IGSF11: variants seen among roughly 807,000 people sequenced by gnomAD.
The protein encoded by IGSF11 is CXADR like 1.
A neutral mutation model predicts 41.0 loss-of-function variants in IGSF11; 22 were observed. The ratio of observed to expected loss-of-function variants is 0.54; its 90% CI spans 0.38 to 0.77. The LOEUF (loss-of-function observed/expected upper bound fraction) is 0.77. IGSF11 is among the 30% of genes least tolerant of loss of function. The probability of loss-of-function intolerance (pLI) is 0.00; values close to 1 mark genes in which losing one functional copy is unlikely to be tolerated. For synonymous variants in IGSF11, 219 were observed against 201.3 expected (o/e 1.09, Z -0.74); for missense variants, 444 against 530.8 (o/e 0.84, Z 1.61).
rs116068132 is a variant in IGSF11 at position 119,021,551 on chromosome 3, A to G, written c.52+12980T>C. ...GTACTAGACTCTATAGGTAAAACAA[A>G]GTGTAAGACCATAACAAAGTGTAAG... On this transcript the variant is annotated intron_variant, in intron 1 of 6. Transcript: ENST00000393775. 7.7e-3 allele frequency among the ~76,000 whole-genome samples: 1,180 copies of G among 152,272 alleles called. 25 individuals are homozygous for G. The highest frequency in any genetic ancestry group is 0.027 in the African/African-American group (1,108 of 41,554).
intron 1 of IGSF11, among the ~76,000 whole-genome samples, chr3:119,125,363 G>A (rs1291550860): frequency 1.3e-5 from 2 of 152,160 alleles, no homozygotes; most frequent in East Asian, 1.9e-4. Context: ...GGCTGAGTCC[G>A]AGAAAGGGGT....
chr3:119,031,914 C>T (rs899347200), intron 1 of IGSF11, among the ~76,000 whole-genome samples: 5 of 152,114 alleles, frequency 3.3e-5, no homozygotes, highest in Admixed American at 1.3e-4. Context: ...TCTTTTTATA[C>T]ATTTTCTCAA....
intron 1 of IGSF11, among the ~76,000 whole-genome samples, chr3:118,989,869 G>C (rs1473685383): frequency 6.6e-6 from 1 of 152,156 alleles, no homozygotes; most frequent in Non-Finnish European, 1.5e-5. Context: ...CAGATGAAAA[G>C]AAATGGCCTT....
chr3:119,058,996 G>T (rs113816948), intron 1 of IGSF11, among the ~76,000 whole-genome samples: 7 of 151,692 alleles, frequency 4.6e-5, no homozygotes, highest in African/African-American at 1.5e-4. Context: ...AGAGGGGAGG[G>T]ATAGCATTAG....
chr3:119,065,656 G>A (rs762042016), intron 1 of IGSF11, among the ~76,000 whole-genome samples: 3 of 152,030 alleles, frequency 2.0e-5, no homozygotes, highest in Non-Finnish European at 2.9e-5. Context: ...AGATGGGCAT[G>A]GTGGTGTGCA....
At chr3:119,018,772 T>A (rs1009359935) in intron 1 of IGSF11, among the ~76,000 whole-genome samples, 1 of 152,194 alleles carries the variant, frequency 6.6e-6, no homozygotes, top group African/African-American at 2.4e-5. Context: ...AAATTTGACA[T>A]CCAGACTGGA....
At chr3:118,960,773 G>A (rs1421819953) in intron 1 of IGSF11, among the ~76,000 whole-genome samples, 1 of 151,910 alleles carries the variant, frequency 6.6e-6, no homozygotes, top group Non-Finnish European at 1.5e-5. Context: ...TTTTGGCAGG[G>A]GTTAATTTTT....
chr3:119,046,259 G>T (rs550782308), intron 1 of IGSF11, among the ~76,000 whole-genome samples: 1 of 148,878 alleles, frequency 6.7e-6, no homozygotes, highest in Non-Finnish European at 1.5e-5. Flanking sequence ...AAATTTAGAA[G>T]AATGTATAAC....
intron 1 of IGSF11, among the ~76,000 whole-genome samples, chr3:118,975,008 T>C (rs1933909885): frequency 6.6e-6 from 1 of 152,082 alleles, no homozygotes; most frequent in Admixed American, 6.6e-5. Context: ...TAATCTCCAG[T>C]CTCTCAAAAC....
At chr3:119,133,357 T>C (rs1240032581) in intron 1 of IGSF11, among the ~76,000 whole-genome samples, 1 of 151,996 alleles carries the variant, frequency 6.6e-6, no homozygotes, top group African/African-American at 2.4e-5. Flanking sequence ...AAGAATCAAA[T>C]AGGGGTGCAA....
intron 1 of IGSF11, among the ~76,000 whole-genome samples, chr3:119,022,455 A>G (rs1279387760): frequency 6.6e-6 from 1 of 152,240 alleles, no homozygotes. Context: ...AATTTTTAAA[A>G]TAATGTAAAA....
upstream of IGSF11, among the ~76,000 whole-genome samples, chr3:119,109,447 AT>A (rs1344659590): frequency 6.6e-6 from 1 of 152,060 alleles, no homozygotes; most frequent in African/African-American, 2.4e-5. Context: ...CCCCTTTATC[AT>A]TTTTTATTGC....
intron 1 of IGSF11, among the ~76,000 whole-genome samples, chr3:118,991,952 C>A (rs1227355696): frequency 6.6e-6 from 1 of 152,226 alleles, no homozygotes; most frequent in Non-Finnish European, 1.5e-5. Flanking sequence ...GTACAATGCA[C>A]CAGCATGGAA....
At chr3:118,930,013 C>G (rs907321975) in intron 2 of IGSF11, 99 bp downstream of exon 2, 2 of 1,238,914 alleles carry the variant, frequency 1.6e-6, no homozygotes, top group Admixed American at 4.4e-5. Flanking sequence ...ACAATGCCAC[C>G]TTATTCTCGA....
At chr3:118,915,352 C>T (rs1940959794) in intron 4 of IGSF11, among the ~76,000 whole-genome samples, 4 of 83,636 alleles carry the variant, frequency 4.8e-5, no homozygotes, top group Non-Finnish European at 8.2e-5. Context: ...AAGTTGAAAA[C>T]TTTGAAAAAA....
At chr3:118,976,286 TCTC>T (rs1559987662) in intron 1 of IGSF11, among the ~76,000 whole-genome samples, 3 of 152,234 alleles carry the variant, frequency 2.0e-5, no homozygotes, top group African/African-American at 7.2e-5. Flanking sequence ...GTCAATGTCT[TCTC>T]CTTAAAAATT....
intron 1 of IGSF11, among the ~76,000 whole-genome samples, chr3:118,933,470 T>TTATATATATATATATATATATA (rs1553754813): frequency 1.4e-5 from 2 of 146,146 alleles, no homozygotes; most frequent in East Asian, 2.0e-4. Context: ...CATGTATTTT[T>TTATATATATATATATATATATA]TATATATATA....
At chr3:118,903,268 T>C (rs889902947) in intron 6 of IGSF11, among the ~76,000 whole-genome samples, 1 of 152,078 alleles carries the variant, frequency 6.6e-6, no homozygotes, top group Non-Finnish European at 1.5e-5. Flanking sequence ...GTAAATAACA[T>C]TCACATAAAT....
chr3:119,082,467 T>C (rs1421664993), intron 1 of IGSF11, among the ~76,000 whole-genome samples: 1 of 152,076 alleles, frequency 6.6e-6, no homozygotes, highest in Non-Finnish European at 1.5e-5. Flanking sequence ...CAGAGAAAAA[T>C]CTTCCATGAG....
Sources: allele counts gnomAD v4.1 joint callset (sites outside exome capture counted in the v4.1 genomes callset), GRCh38; gene constraint gnomAD v4.1.1; transcripts MANE v1.5; gene names NCBI Gene and HGNC (gene_info 2026-07-23, HGNC 2026-07-21).